Variants in NBAS observed in about 807,000 individuals in gnomAD.
NBAS encodes NAG/BC035112 fusion.
A neutral mutation model predicts 302.5 loss-of-function variants in NBAS; 219 were observed. The observed-to-expected ratio is 0.72, with a 90% confidence interval of 0.65 to 0.81. NBAS has a LOEUF of 0.81. NBAS is among the 30% of genes least tolerant of loss of function. The pLI is 0.00. For synonymous variants in NBAS, 1,118 were observed against 1,021.6 expected, an observed-to-expected ratio of 1.09 and a Z score of -1.80; for missense variants, 2,932 against 2,841.6, an observed-to-expected ratio of 1.03 and a Z score of -0.72.
the NBAS span, among the ~76,000 whole-genome samples, chr2:15,134,447 T>G: frequency 0.38 from 57,054 of 151,934 alleles, 12,918 homozygotes; most frequent in Non-Finnish European, 0.51. Context: ...CTAAACAAAC[T>G]AAGACTCTCT....
intron 51 of NBAS, among the ~76,000 whole-genome samples, chr2:15,175,098 C>G (rs1664472997): frequency 6.6e-6 from 1 of 152,146 alleles, no homozygotes; most frequent in African/African-American, 2.4e-5. Context: ...TCCCGAGTAG[C>G]TGGGACTACA....
intron 9 of NBAS, among the ~76,000 whole-genome samples, chr2:15,512,942 C>A (rs1295317881): frequency 6.6e-6 from 1 of 152,170 alleles, no homozygotes; most frequent in East Asian, 1.9e-4. Flanking sequence ...CACTCTAATG[C>A]CACTAAAAGC....
At chr2:14,900,106 C>A in the NBAS span, among the ~76,000 whole-genome samples, 33,976 of 147,246 alleles carry the variant, frequency 0.23, 4,127 homozygotes, top group Non-Finnish European at 0.26. Context: ...GATTTTAAGT[C>A]ACATGCTTTT....
At chr2:15,418,094 T>C (rs904350124) in intron 23 of NBAS, among the ~76,000 whole-genome samples, 3 of 152,252 alleles carry the variant, frequency 2.0e-5, no homozygotes, top group Admixed American at 2.0e-4. Flanking sequence ...ATTTTTACTA[T>C]TACCACTCTG....
At chr2:15,135,379 A>C in the NBAS span, among the ~76,000 whole-genome samples, 1 of 152,188 alleles carries the variant, frequency 6.6e-6, no homozygotes, top group East Asian at 1.9e-4. Context: ...CAGATGAGCT[A>C]GGTGCTTGGG....
At chr2:14,870,438 G>A in the NBAS span, among the ~76,000 whole-genome samples, 1 of 152,178 alleles carries the variant, frequency 6.6e-6, no homozygotes, top group African/African-American at 2.4e-5. Context: ...CAGGGATTAG[G>A]GAAGTTTATG....
the NBAS span, among the ~76,000 whole-genome samples, chr2:15,009,643 C>T: frequency 9.8e-5 from 14 of 142,494 alleles, no homozygotes; most frequent in East Asian, 2.0e-4. Flanking sequence ...CACACATATA[C>T]ACATATATAT....
the NBAS span, among the ~76,000 whole-genome samples, chr2:15,156,847 G>T: frequency 2.7e-3 from 415 of 152,166 alleles, no homozygotes; most frequent in Non-Finnish European, 5.1e-3. Flanking sequence ...CATAATTTCC[G>T]CTGCCTCTAT....
intron 11 of NBAS, among the ~76,000 whole-genome samples, chr2:15,489,871 C>G (rs978617658): frequency 1.3e-5 from 2 of 152,160 alleles, no homozygotes; most frequent in African/African-American, 4.8e-5. Flanking sequence ...CCCATTCAGG[C>G]ATTTGTTAAG....
At chr2:14,973,405 A>G in the NBAS span, among the ~76,000 whole-genome samples, 1 of 152,254 alleles carries the variant, frequency 6.6e-6, no homozygotes. Context: ...TACTTTAAGA[A>G]GTAAAATTGA....
At chr2:15,038,354 G>A in the NBAS span, among the ~76,000 whole-genome samples, 43 of 152,014 alleles carry the variant, frequency 2.8e-4, no homozygotes, top group South Asian at 1.9e-3. Flanking sequence ...CTTGTGATTC[G>A]CCTGCCCTGG....
intron 35 of NBAS, among the ~76,000 whole-genome samples, chr2:15,341,959 C>T (rs1672872511): frequency 2.0e-5 from 3 of 152,044 alleles, no homozygotes; most frequent in Non-Finnish European, 4.4e-5. Context: ...CTGAATCTTC[C>T]ACAGAGAACA....
chr2:15,263,642 T>A (rs1364810533), intron 44 of NBAS, among the ~76,000 whole-genome samples: 3 of 152,216 alleles, frequency 2.0e-5, no homozygotes, highest in African/African-American at 7.2e-5. Flanking sequence ...TCTTGAATGT[T>A]CCCATCTTTC....
chr2:15,531,688 T>C (rs1572977310), intron 9 of NBAS, among the ~76,000 whole-genome samples: 2 of 152,208 alleles, frequency 1.3e-5, no homozygotes, highest in East Asian at 1.9e-4. Context: ...AGCCTAACTG[T>C]CTTCACTGCT....
chr2:14,781,423 T>C, the NBAS span, among the ~76,000 whole-genome samples: 1 of 151,988 alleles, frequency 6.6e-6, no homozygotes, highest in Non-Finnish European at 1.5e-5. Context: ...TAAAGGCTCT[T>C]GACAGAGACT....
At position 15,219,950 on chromosome 2, in the gene NBAS, A is replaced by G. The variant is rs62121517; in HGVS notation, c.6237-982T>C. Among the ~76,000 whole-genome samples, 8 of 114,986 alleles carry G rather than the reference A, an allele frequency of 7.0e-5. No individual in the cohort carries two copies. The East Asian group carries it at 1.7e-3, about 24-fold the overall frequency. 75.4% of individuals were successfully genotyped at this position (114,986 alleles called of 152,430 possible). On this transcript the variant is annotated intron_variant, in intron 47 of 51. Transcript: ENST00000281513. ...CCGGATGGGGCGGCTGGCCGGGCAG[A>G]GGGCTCCTCACTTCCCAGTAGGGGC...
chr2:15,549,729 A>G (rs189483102), intron 6 of NBAS, among the ~76,000 whole-genome samples: 44 of 152,218 alleles, frequency 2.9e-4, no homozygotes, highest in African/African-American at 1.1e-3. Context: ...CCCTGTCTCA[A>G]AAAAATAAAT....
intron 45 of NBAS, 44 bp downstream of exon 45, chr2:15,238,423 AT>A: frequency 6.4e-7 from 1 of 1,571,376 alleles, no homozygotes; most frequent in South Asian, 1.1e-5. Flanking sequence ...AAAAGAAAGA[AT>A]ATACTGATAC....
the NBAS span, among the ~76,000 whole-genome samples, chr2:15,084,452 T>A: frequency 6.6e-6 from 1 of 152,220 alleles, no homozygotes; most frequent in African/African-American, 2.4e-5. Flanking sequence ...TAATCTGTCA[T>A]TCAAGTGGTT....
Sources: allele counts gnomAD v4.1 joint callset (sites outside exome capture counted in the v4.1 genomes callset), GRCh38; gene constraint gnomAD v4.1.1; transcripts MANE v1.5; gene names NCBI Gene and HGNC (gene_info 2026-07-23, HGNC 2026-07-21).